Variants in TBCD observed in about 807,000 individuals in gnomAD.
TBCD encodes tubulin-specific chaperone D.
TBCD carries 105 observed loss-of-function variants against 169.3 expected under a neutral mutation model. The observed-to-expected ratio is 0.62, with a 90% CI of 0.53 to 0.73. TBCD has a LOEUF of 0.73. TBCD is among the 30% of genes least tolerant of loss of function. The probability of loss-of-function intolerance (pLI) is 0.00; values close to 1 mark genes in which losing one functional copy is unlikely to be tolerated. For synonymous variants in TBCD, 700 were observed against 643.9 expected (o/e 1.09, Z -1.32); for missense variants, 1,444 against 1,600.1 (o/e 0.90, Z 1.66).
intron 17 of TBCD, among the ~76,000 whole-genome samples, chr17:82,896,262 C>G (rs2146520978): frequency 6.6e-6 from 1 of 152,258 alleles, no homozygotes; most frequent in East Asian, 1.9e-4. Context: ...GGGACCGTCC[C>G]CCGAGCCTCC....
At chr17:82,895,375 C>T (rs960188494) in intron 17 of TBCD, among the ~76,000 whole-genome samples, 48 of 152,192 alleles carry the variant, frequency 3.2e-4, no homozygotes, top group Admixed American at 3.1e-3. Flanking sequence ...AGGCAGTGGT[C>T]CTGTTCAGCA....
At position 82,806,537 on chromosome 17, in the gene TBCD, C is replaced by G. The variant is rs909741922; in HGVS notation, c.1087+526C>G. 1.3e-5 allele frequency among the ~76,000 whole-genome samples: 2 copies of G among 152,272 alleles called. No homozygotes were observed. The highest frequency in any genetic ancestry group is 1.5e-5 in the Non-Finnish European group (1 of 68,004). ...GCCATCCTGGGCTCCTGTCCACACA[C>G]TGTCCTGCCCTCCTGCCGCGGTTGG... On this transcript the variant is annotated intron_variant, in intron 10 of 38. Coordinates refer to ENST00000355528, the MANE Select transcript of TBCD (RefSeq NM_005993.5). The surrounding 1 kb of genome is among the most constrained non-coding windows in gnomAD (Gnocchi z 5.1).
chr17:82,815,259 C>T (rs1159031829), intron 13 of TBCD, among the ~76,000 whole-genome samples: 2 of 152,206 alleles, frequency 1.3e-5, no homozygotes, highest in Non-Finnish European at 2.9e-5. Context: ...TTTTGGAGGG[C>T]CACGAATCCT....
chr17:82,863,997 G>T (rs990317124), intron 13 of TBCD, among the ~76,000 whole-genome samples: 3 of 152,222 alleles, frequency 2.0e-5, no homozygotes, highest in Non-Finnish European at 4.4e-5. Context: ...AGGACTAAAT[G>T]CAAAATCATC....
chr17:82,844,236 T>TGTGTGTGTGTGTGTGTGTGTGTGTGTG (rs59037028), intron 13 of TBCD, among the ~76,000 whole-genome samples: 14 of 151,142 alleles, frequency 9.3e-5, no homozygotes, highest in South Asian at 6.3e-4. Context: ...TGTGTGTGTG[T>TGTGTGTGTGTGTGTGTGTGTGTGTGTG]TTAAAGACCT....
chr17:82,819,172 G>T (rs2052190970), intron 13 of TBCD, among the ~76,000 whole-genome samples: 1 of 152,274 alleles, frequency 6.6e-6, no homozygotes, highest in African/African-American at 2.4e-5. Context: ...TAGAGGAAAT[G>T]TGGAGCTTCA....
Position 82,832,342 on chromosome 17 carries a change from G to A in TBCD, c.1318+17408G>A, listed in dbSNP as rs1207137194. On this transcript the variant is annotated intron_variant, in intron 13 of 38. Transcript: ENST00000355528. The surrounding 1 kb of genome is among the most constrained non-coding windows in gnomAD (Gnocchi z 4.9). ...ATACTTCATGTGATTAAAAAGATGT[G>A]ACTTCTCATTGCAAGTAAAGGGACA... The A allele has an allele frequency of 1.2e-6, 2 of 1,614,102 alleles. No homozygotes were observed. Among genetic ancestry groups the A allele is most frequent in the Non-Finnish European group, 1.7e-6 (2 of 1,180,042 alleles).
At chr17:82,836,609 A>G (rs975564249) in intron 13 of TBCD, among the ~76,000 whole-genome samples, 2 of 151,912 alleles carry the variant, frequency 1.3e-5, no homozygotes, top group African/African-American at 4.8e-5. Context: ...AGAGGAGCAA[A>G]TGATTCCCTC....
rs1314823124 is a variant in TBCD, at chr17:82,832,782, GTCAC to G, written c.1318+17849_1318+17852del. 1 of 429,922 alleles carries G rather than the reference GTCAC, an allele frequency of 2.3e-6. No individual in the cohort carries two copies. The highest frequency in any genetic ancestry group is 2.0e-5 in the African/African-American group (1 of 50,078). The allele number at this position is 429,922 out of a possible 1,614,324, so 26.6% of individuals were successfully genotyped here. On this transcript the variant is annotated intron_variant, in intron 13 of 38. Coordinates refer to ENST00000355528, the MANE Select transcript of TBCD (RefSeq NM_005993.5). The surrounding 1 kb of genome is among the most constrained non-coding windows in gnomAD (Gnocchi z 4.9). ...CTGCTCCTGAGGGGAGCAGCTGCCG[GTCAC>G]AGAAGCAGCCCTGCCCTACCCTTGG... is the stretch of plus-strand genomic sequence containing the variant.
chr17:82,831,186 C>T lies in TBCD; in HGVS notation c.1318+16252C>T, dbSNP rs1481802447. ...CGTACAGGCCTTCGCAGGTCTGGCT[C>T]GTCTGCATGAAGTCGGTGGGGCTCG... On this transcript the variant is annotated intron_variant, in intron 13 of 38. Transcript: ENST00000355528. The surrounding 1 kb of genome is among the most constrained non-coding windows in gnomAD (Gnocchi z 4.6). 4 of 1,614,000 alleles carry T rather than the reference C, an allele frequency of 2.5e-6. No individual in the cohort carries two copies. Among genetic ancestry groups the T allele is most frequent in the African/African-American group, 1.3e-5 (1 of 74,912 alleles).
At position 82,789,420 on chromosome 17, in the gene TBCD, C is replaced by T. The variant is rs74000083; in HGVS notation, c.771+7699C>T. Among the ~76,000 whole-genome samples the T allele has an allele frequency of 9.6e-3, 1,461 of 152,320 alleles. 19 individuals are homozygous for T. The highest frequency in any genetic ancestry group is 0.032 in the African/African-American group (1,346 of 41,554). On this transcript the variant is annotated intron_variant, in intron 7 of 38. Coordinates refer to ENST00000355528, the MANE Select transcript of TBCD (RefSeq NM_005993.5). The surrounding 1 kb of genome is among the most constrained non-coding windows in gnomAD (Gnocchi z 4.8). ...GCCCGTCGCGGGGTCATGTGCTAGA[C>T]GGGGAGGGGGCTTGGCGGGTCACCA...
chr17:82,876,987 G>A, intron 14 of TBCD: 1 of 985,282 alleles, frequency 1.0e-6, no homozygotes, highest in East Asian at 1.1e-4. Flanking sequence ...ACTTGGTGAG[G>A]ATGGTAGATG....
chr17:82,798,715 C>T (rs1329123499), intron 8 of TBCD, among the ~76,000 whole-genome samples: 1 of 151,848 alleles, frequency 6.6e-6, no homozygotes, highest in Non-Finnish European at 1.5e-5. Context: ...CTCTGATAGC[C>T]ACAGCCACCA....
At chr17:82,760,438 T>C (rs1292329417) in intron 2 of TBCD, among the ~76,000 whole-genome samples, 4 of 152,266 alleles carry the variant, frequency 2.6e-5, no homozygotes, top group African/African-American at 9.6e-5. Flanking sequence ...TGATTTTCTT[T>C]AGATGATTCC....
intron 7 of TBCD, among the ~76,000 whole-genome samples, chr17:82,785,696 G>A (rs1299841921): frequency 1.7e-4 from 23 of 131,530 alleles, no homozygotes; most frequent in African/African-American, 5.7e-4. Flanking sequence ...GCGGGAGGGG[G>A]GTCCATGATG....
Position 82,890,004 on chromosome 17 carries a change from C to T in TBCD, c.1563+307C>T, listed in dbSNP as rs370017055. On this transcript the variant is annotated intron_variant, in intron 16 of 38. Transcript: ENST00000355528. This position sits in a 1 kb window ranked among gnomAD's most constrained non-coding sequence, Gnocchi z 5.3. ...TGGGACCAGCCTGGCCTTGCGGGGA[C>T]GCAGACCTGACCCCGCCTCATCCCA... Among the ~76,000 whole-genome samples, 62 of 152,320 alleles carry T rather than the reference C, an allele frequency of 4.1e-4. 7 individuals are homozygous for T. The highest frequency in any genetic ancestry group is 2.4e-3 in the Admixed American group (36 of 15,304).
At chr17:82,845,676 C>T (rs2054979245) in intron 13 of TBCD, among the ~76,000 whole-genome samples, 1 of 152,192 alleles carries the variant, frequency 6.6e-6, no homozygotes, top group South Asian at 2.1e-4. Flanking sequence ...GCAGCAGCAT[C>T]CTCTCCAGTG....
intron 19 of TBCD, among the ~76,000 whole-genome samples, chr17:82,905,305 C>T (rs1387146960): frequency 1.3e-5 from 2 of 152,262 alleles, no homozygotes; most frequent in East Asian, 3.8e-4. Flanking sequence ...CTGAGTTACC[C>T]ACCCCGTCTG....
intron 22 of TBCD, among the ~76,000 whole-genome samples, chr17:82,909,984 C>T (rs1301866770): frequency 2.6e-5 from 4 of 152,138 alleles, no homozygotes; most frequent in South Asian, 2.1e-4. Context: ...TCTTCCCCGA[C>T]GTGTCTTTGA....
Sources: gnomAD v4.1 joint callset for allele counts (sites outside exome capture counted in the v4.1 genomes callset) on GRCh38, gnomAD v4.1.1 for gene constraint, Gnocchi (gnomAD v3.1) non-coding constraint, MANE v1.5 for transcripts, NCBI Gene and HGNC (gene_info 2026-07-23, HGNC 2026-07-21) for gene names.